PARP8: variants seen among roughly 807,000 people sequenced by gnomAD.
PARP8 encodes the protein poly(ADP-ribose) polymerase family member 8.
A neutral mutation model predicts 124.1 loss-of-function variants in PARP8; 51 were observed. The observed-to-expected ratio is 0.41, with a 90% confidence interval of 0.33 to 0.52. The LOEUF is 0.52. Ranked by LOEUF, PARP8 falls within the 20% of genes least tolerant of loss-of-function variation. PARP8 has a pLI of 0.21. For synonymous variants in PARP8, 391 were observed against 361.5 expected, an observed-to-expected ratio of 1.08 and a Z score of -0.93; for missense variants, 860 against 1,018.9, an observed-to-expected ratio of 0.84 and a Z score of 2.12.
At chr5:50,718,861 G>A (rs1291897173) in intron 2 of PARP8, among the ~76,000 whole-genome samples, 1 of 151,964 alleles carries the variant, frequency 6.6e-6, no homozygotes, top group Non-Finnish European at 1.5e-5. Context: ...GGATCATATG[G>A]TATTTGTATT....
rs78192209 is a variant in PARP8 at position 50,798,864 on chromosome 5, C to T, written c.1575+1631C>T. ...TTTTCATGTGCTTATTGGCCATTTG[C>T]ATGTCTTTGGAGAAATGCCTATTTA... On this transcript the variant is annotated intron_variant, in intron 14 of 25. Coordinates refer to ENST00000281631, the MANE Select transcript of PARP8 (RefSeq NM_024615.4). Among the ~76,000 whole-genome samples, 845 of 152,264 alleles carry T rather than the reference C, an allele frequency of 5.5e-3. 7 individuals carry two copies. The highest frequency in any genetic ancestry group is 0.019 in the African/African-American group (791 of 41,558).
chr5:50,689,038 T>C (rs893793152), intron 2 of PARP8, among the ~76,000 whole-genome samples: 12 of 150,282 alleles, frequency 8.0e-5, no homozygotes, highest in African/African-American at 2.9e-4. Flanking sequence ...TTTGATTTTT[T>C]TTTTTTTTTT....
intron 25 of PARP8, 60 bp from the exon 26 acceptor site, chr5:50,841,906 G>T: frequency 8.5e-7 from 1 of 1,181,690 alleles, no homozygotes; most frequent in Non-Finnish European, 1.2e-6. Context: ...GCATTTCTAA[G>T]CTGTTTTAAA....
chr5:50,821,269 T>C lies in PARP8; in HGVS notation c.1725T>C (p.Val575=), dbSNP rs369393677. The change falls in exon 16 of 26, where the codon GTT becomes GTC. Residue 575 remains valine, a synonymous_variant. Coordinates refer to ENST00000281631, the MANE Select transcript of PARP8 (RefSeq NM_024615.4). ...CRSALESPRK[V]VIFEPYPSVV... ...CTGCGTTGGAATCTCCTAGAAAAGT[T>C]GTGATTTTCGAGCCATATCCTTCTG... 1.9e-6 allele frequency: 3 copies of C among 1,612,656 alleles called. No homozygotes were observed. The highest frequency in any genetic ancestry group is 2.5e-6 in the Non-Finnish European group (3 of 1,179,476).
At chr5:50,672,932 G>A (rs1359734476) in intron 2 of PARP8, among the ~76,000 whole-genome samples, 6 of 152,128 alleles carry the variant, frequency 3.9e-5, no homozygotes, top group African/African-American at 1.2e-4. Context: ...AAGATCAGAC[G>A]TGCCCACTCC....
chr5:50,789,214 T>G (rs1741660792), intron 10 of PARP8, among the ~76,000 whole-genome samples: 1 of 152,160 alleles, frequency 6.6e-6, no homozygotes, highest in Non-Finnish European at 1.5e-5. Context: ...TTTTATGATC[T>G]TTAAGTCTAT....
chr5:50,742,268 A>G (rs1333745041), intron 2 of PARP8, among the ~76,000 whole-genome samples: 1 of 152,252 alleles, frequency 6.6e-6, no homozygotes, highest in Non-Finnish European at 1.5e-5. Flanking sequence ...AAATAATGCT[A>G]CCATTAATAT....
chr5:50,827,603 T>C (rs1441018819), intron 19 of PARP8, among the ~76,000 whole-genome samples: 3 of 152,176 alleles, frequency 2.0e-5, no homozygotes, highest in Admixed American at 6.5e-5. Flanking sequence ...AGGGACTCAA[T>C]AATAAAAATG....
At position 50,843,658 on chromosome 5, in the gene PARP8, G is replaced by A. The variant is rs1432515365; in HGVS notation, c.*1590G>A. On this transcript the variant is annotated 3_prime_UTR_variant, in exon 26 of 26. Coordinates refer to ENST00000281631, the MANE Select transcript of PARP8 (RefSeq NM_024615.4). The stretch of plus-strand genomic sequence containing the variant: ...ACTTGTGGCTCTGAACCCTGGGCTA[G>A]GCTGAGGGATAATAGTAGTGGAGTA... 6.6e-6 allele frequency: 1 copy of A among 151,696 alleles called. No homozygotes were observed. Among genetic ancestry groups the A allele is most frequent in the Non-Finnish European group, 1.5e-5 (1 of 67,814 alleles). The allele number at this position is 151,696 out of a possible 1,614,324, so 9.4% of individuals were successfully genotyped here.
chr5:50,789,716 C>T lies in PARP8; in HGVS notation c.737+1127C>T, dbSNP rs563860507. On this transcript the variant is annotated intron_variant, in intron 10 of 25. Coordinates refer to ENST00000281631, the MANE Select transcript of PARP8 (RefSeq NM_024615.4). Reference sequence around the variant, plus strand: ...AAGAATTTGTGTTTATGGAGAATTCCTAGAGGATTATTCTTCCAAATCTGC... The same window carrying T: ...AAGAATTTGTGTTTATGGAGAATTCTTAGAGGATTATTCTTCCAAATCTGC... Among the ~76,000 whole-genome samples the T allele has an allele frequency of 3.3e-5, 5 of 152,184 alleles. No homozygotes were observed. The South Asian group carries it at 1.0e-3, about 32-fold the overall frequency.
chr5:50,684,575 TAAGTC>T (rs1289129169), intron 2 of PARP8, among the ~76,000 whole-genome samples: 1 of 152,088 alleles, frequency 6.6e-6, no homozygotes, highest in African/African-American at 2.4e-5. Context: ...ATAAAATGCC[TAAGTC>T]TAGTCTTGAC....
At chr5:50,808,657 C>T (rs1489522604) in intron 14 of PARP8, among the ~76,000 whole-genome samples, 1 of 151,992 alleles carries the variant, frequency 6.6e-6, no homozygotes. Flanking sequence ...TTACAGCTAT[C>T]CGTTTGGGAA....
chr5:50,697,177 A>G (rs1753125657), intron 2 of PARP8, among the ~76,000 whole-genome samples: 1 of 152,148 alleles, frequency 6.6e-6, no homozygotes, highest in African/African-American at 2.4e-5. Flanking sequence ...AATCGCTTGA[A>G]CCAGGGAGTT....
chr5:50,702,429 GAGT>G (rs2149477013), intron 2 of PARP8, among the ~76,000 whole-genome samples: 1 of 152,250 alleles, frequency 6.6e-6, no homozygotes, highest in Admixed American at 6.5e-5. Flanking sequence ...CCTGCCTGGA[GAGT>G]TGAAAGTAGT....
chr5:50,689,639 T>C lies in PARP8; in HGVS notation c.146+21514T>C, dbSNP rs59756663. ...CTGTAAGGGTTGCAGTGAAGAGGAG[T>C]GAAAGGAATATTTGGGGAACGTTAT... On this transcript the variant is annotated intron_variant, in intron 2 of 25. Transcript: ENST00000281631. Among the ~76,000 whole-genome samples, 141 of 152,152 alleles carry C rather than the reference T, an allele frequency of 9.3e-4. 1 individual carries two copies. Among genetic ancestry groups the C allele is most frequent in the African/African-American group, 3.3e-3 (136 of 41,506 alleles).
chr5:50,798,772 A>G (rs1019467961), intron 14 of PARP8, among the ~76,000 whole-genome samples: 3 of 152,120 alleles, frequency 2.0e-5, no homozygotes, highest in African/African-American at 7.2e-5. Context: ...TTTCTTATGC[A>G]CTTCCCTGAT....
At chr5:50,753,700 A>C (rs1759506741) in intron 3 of PARP8, among the ~76,000 whole-genome samples, 1 of 152,058 alleles carries the variant, frequency 6.6e-6, no homozygotes, top group Admixed American at 6.6e-5. Flanking sequence ...AGGTGAAATT[A>C]TGTAGAAAAT....
rs553830320 is a variant in PARP8, at chr5:50,740,305, A to G, written c.147-9846A>G. The stretch of plus-strand genomic sequence containing the variant: ...GTTTTTTCTTAGGAGATGACATCTG[A>G]ATTGAGAACTGAAGGATGAGACTGA... On this transcript the variant is annotated intron_variant, in intron 2 of 25. Coordinates refer to ENST00000281631, the MANE Select transcript of PARP8 (RefSeq NM_024615.4). Among the ~76,000 whole-genome samples the G allele has an allele frequency of 2.0e-5, 3 of 152,258 alleles. No individual in the cohort carries two copies. In the South Asian group the frequency reaches 6.2e-4, roughly 32 times the overall value.
At chr5:50,747,154 G>GTTTTTTTTTTTTTTTTTTTTTT (rs370243477) in intron 2 of PARP8, among the ~76,000 whole-genome samples, 1 of 121,918 alleles carries the variant, frequency 8.2e-6, no homozygotes, top group Admixed American at 8.8e-5. Context: ...TTTTTTGTTT[G>GTTTTTTTTTTTTTTTTTTTTTT]TTTGTTTTGT....
Sources: gnomAD v4.1 joint callset for allele counts (sites outside exome capture counted in the v4.1 genomes callset) on GRCh38, gnomAD v4.1.1 for gene constraint, MANE v1.5 for transcripts, NCBI Gene and HGNC (gene_info 2026-07-23, HGNC 2026-07-21) for gene names.